USH2A: variants seen among roughly 807,000 people sequenced by gnomAD.
USH2A encodes the protein Usher syndrome 2A (autosomal recessive, mild).
In USH2A, 443 loss-of-function variants were observed where a neutral mutation model predicts 538.9. That is an observed-to-expected ratio of 0.82 (90% CI 0.76 to 0.89). USH2A has a LOEUF of 0.89. USH2A is among the 40% of genes least tolerant of loss of function. The pLI, the probability that USH2A is intolerant of heterozygous loss-of-function variation, is 0.00. For missense variants in USH2A, 6,633 were observed against 6,324.8 expected (o/e 1.05, Z -1.65); for synonymous variants, 2,413 against 2,273.5 (o/e 1.06, Z -1.75).
At chr1:216,174,991 T>C in intron 21 of USH2A, 1 of 1,296,568 alleles carries the variant, frequency 7.7e-7, no homozygotes, top group Non-Finnish European at 9.9e-7. Flanking sequence ...AAAAGACAAA[T>C]ACAAAGCACA....
rs111758903 is a variant in USH2A, at chr1:215,623,676, G to GCTAA, written c.*2101_*2104dup. ...ATGGAGTCAAAATGTAAATGATTCAGCTAACTGAGTTCATGTCTAATTAGA... is the reference window on the plus strand; with the variant it reads ...ATGGAGTCAAAATGTAAATGATTCAGCTAACTAACTGAGTTCATGTCTAATTAGA... On this transcript the variant is annotated 3_prime_UTR_variant, in exon 72 of 72. Coordinates refer to ENST00000307340, the MANE Select transcript of USH2A (RefSeq NM_206933.4). 1 of 152,108 alleles carries GCTAA rather than the reference G, an allele frequency of 6.6e-6. No homozygotes were observed. The highest frequency in any genetic ancestry group is 1.5e-5 in the Non-Finnish European group (1 of 68,014). The allele number at this position is 152,108 out of a possible 1,614,324, so 9.4% of individuals were successfully genotyped here.
At chr1:216,057,034 A>G (rs749656765) in intron 30 of USH2A, among the ~76,000 whole-genome samples, 13 of 152,218 alleles carry the variant, frequency 8.5e-5, no homozygotes, top group Non-Finnish European at 1.8e-4. Flanking sequence ...GTAGAACAAA[A>G]GTTATATATT....
At chr1:216,066,876 A>C (rs142927416) in intron 30 of USH2A, among the ~76,000 whole-genome samples, 1 of 152,224 alleles carries the variant, frequency 6.6e-6, no homozygotes, top group Non-Finnish European at 1.5e-5. Context: ...GGGAAGGTAT[A>C]TAGCAGAGAT....
chr1:215,629,469 TAAC>T (rs1204602867), intron 70 of USH2A, among the ~76,000 whole-genome samples: 2 of 152,174 alleles, frequency 1.3e-5, no homozygotes, highest in African/African-American at 4.8e-5. Flanking sequence ...CAGCCAAAGA[TAAC>T]AATATTATTT....
At chr1:215,684,456 T>C (rs984170899) in intron 61 of USH2A, among the ~76,000 whole-genome samples, 21 of 152,206 alleles carry the variant, frequency 1.4e-4, no homozygotes, top group African/African-American at 4.6e-4. Flanking sequence ...ATGTTTAAAC[T>C]GCATAAAGCT....
chr1:216,404,618 C>T (rs1478258694), intron 3 of USH2A, among the ~76,000 whole-genome samples: 7 of 110,048 alleles, frequency 6.4e-5, no homozygotes, highest in African/African-American at 1.7e-4. Context: ...GAAACATAGG[C>T]TTTTTTTTTT....
chr1:215,747,664 T>C (rs1416514864), intron 58 of USH2A, among the ~76,000 whole-genome samples: 1 of 152,150 alleles, frequency 6.6e-6, no homozygotes, highest in Non-Finnish European at 1.5e-5. Context: ...TAAGAGAGAT[T>C]GAAGAAGGAA....
intron 30 of USH2A, among the ~76,000 whole-genome samples, chr1:216,054,467 A>G (rs1293143816): frequency 6.6e-6 from 1 of 152,124 alleles, no homozygotes; most frequent in East Asian, 1.9e-4. Flanking sequence ...GCAGCAAAAC[A>G]ACAGAGGAGT....
intron 15 of USH2A, among the ~76,000 whole-genome samples, chr1:216,216,669 G>A (rs1448503524): frequency 3.9e-5 from 6 of 152,004 alleles, no homozygotes; most frequent in South Asian, 2.1e-4. Context: ...ATAGGAAAAC[G>A]GTCAATATGT....
chr1:215,811,740 C>T (rs1413725311), intron 49 of USH2A, among the ~76,000 whole-genome samples: 1 of 151,760 alleles, frequency 6.6e-6, no homozygotes, highest in African/African-American at 2.4e-5. Context: ...AAGCCTGTCT[C>T]TACTGAAAAT....
At chr1:215,858,132 G>A (rs573758758) in intron 44 of USH2A, among the ~76,000 whole-genome samples, 5 of 151,964 alleles carry the variant, frequency 3.3e-5, no homozygotes, top group South Asian at 4.1e-4. Context: ...GAAAGAAATC[G>A]GGATTTCCTG....
intron 37 of USH2A, 54 bp from the exon 38 acceptor site, chr1:215,934,849 G>C: frequency 1.3e-6 from 2 of 1,483,972 alleles, no homozygotes; most frequent in Non-Finnish European, 1.8e-6. Flanking sequence ...ATTCATTCCT[G>C]CTATTATTTG....
intron 47 of USH2A, among the ~76,000 whole-genome samples, chr1:215,836,515 TATA>T (rs1418862666): frequency 2.4e-4 from 8 of 32,972 alleles, no homozygotes; most frequent in Non-Finnish European, 2.8e-4. Context: ...ATTATATATA[TATA>T]ATATATATTA....
At chr1:216,277,105 A>G (rs983855727) in intron 11 of USH2A, among the ~76,000 whole-genome samples, 8 of 152,124 alleles carry the variant, frequency 5.3e-5, no homozygotes, top group Non-Finnish European at 1.2e-4. Flanking sequence ...AACTATATAC[A>G]GCCTATGGTG....
chr1:216,325,665 G>A (rs1415397037), intron 5 of USH2A, 66 bp from the exon 6 acceptor site: 13 of 1,481,898 alleles, frequency 8.8e-6, no homozygotes, highest in South Asian at 7.2e-5. Flanking sequence ...TCTAGGAGTC[G>A]TTACAAATGA....
At chr1:215,815,178 C>T (rs887752717) in intron 48 of USH2A, among the ~76,000 whole-genome samples, 2 of 151,792 alleles carry the variant, frequency 1.3e-5, no homozygotes, top group Non-Finnish European at 1.5e-5. Context: ...ACCTGTGTTG[C>T]CTCTTTAAGC....
rs919142559 is a variant in USH2A, at chr1:215,648,767, C to A, written c.14344-1G>T. The A allele has an allele frequency of 1.9e-6, 3 of 1,613,236 alleles. No homozygotes were observed. The African/African-American group carries it at 4.0e-5, about 22-fold the overall frequency. On this transcript the variant is annotated splice_acceptor_variant, in intron 65 of 71. Coordinates refer to ENST00000307340, the MANE Select transcript of USH2A (RefSeq NM_206933.4). LOFTEE classifies it high-confidence loss of function. ...GCTGGGTGGCCATGCCTTCGGATAGCTGTGGAAGGAAGGAAGGCTAGATAA... is the reference window on the plus strand; with the variant it reads ...GCTGGGTGGCCATGCCTTCGGATAGATGTGGAAGGAAGGAAGGCTAGATAA...
At chr1:215,964,894 CTTGT>C (rs780188889) in intron 37 of USH2A, among the ~76,000 whole-genome samples, 6 of 152,114 alleles carry the variant, frequency 3.9e-5, no homozygotes, top group Non-Finnish European at 8.8e-5. Flanking sequence ...ACAAAAATGG[CTTGT>C]TTAAGATGGA....
At chr1:215,684,505 T>C (rs914550439) in intron 61 of USH2A, among the ~76,000 whole-genome samples, 2 of 152,202 alleles carry the variant, frequency 1.3e-5, no homozygotes, top group Non-Finnish European at 2.9e-5. Flanking sequence ...GATCTGATGA[T>C]CCAGCAGTTT....
Sources: allele counts gnomAD v4.1 joint callset (sites outside exome capture counted in the v4.1 genomes callset), GRCh38; gene constraint gnomAD v4.1.1; transcripts MANE v1.5; gene names NCBI Gene and HGNC (gene_info 2026-07-23, HGNC 2026-07-21).